Variants in RAP1GAP2 observed in about 807,000 individuals in gnomAD.
RAP1GAP2 encodes rap1 GTPase-activating protein 2.
A neutral mutation model predicts 95.0 loss-of-function variants in RAP1GAP2; 27 were observed. The observed-to-expected ratio is 0.28, with a 90% confidence interval of 0.21 to 0.39. The LOEUF is 0.39. RAP1GAP2 is among the 10% of genes least tolerant of loss of function. The pLI, the probability that RAP1GAP2 is intolerant of heterozygous loss-of-function variation, is 1.00. For synonymous variants in RAP1GAP2, 373 were observed against 380.9 expected (o/e 0.98, Z 0.24); for missense variants, 771 against 970.0 (o/e 0.79, Z 2.72).
At chr17:3,018,258 A>G (rs2151639839) in intron 18 of RAP1GAP2, 60 bp downstream of exon 18, 5 of 1,507,204 alleles carry the variant, frequency 3.3e-6, no homozygotes, top group Non-Finnish European at 2.6e-6. Flanking sequence ...CCCCAGACCT[A>G]TGGAGGAAGA....
upstream of RAP1GAP2, among the ~76,000 whole-genome samples, chr17:2,792,484 G>A (rs990134674): frequency 7.2e-5 from 11 of 152,316 alleles, no homozygotes; most frequent in Admixed American, 2.0e-4. Flanking sequence ...GGAAGGCAGC[G>A]TGGGAAAGGC....
chr17:2,891,381 T>A (rs907675000), intron 2 of RAP1GAP2, among the ~76,000 whole-genome samples: 1 of 152,028 alleles, frequency 6.6e-6, no homozygotes, highest in Non-Finnish European at 1.5e-5. Context: ...GCTCAACCAA[T>A]CCTCCCGCCT....
intron 19 of RAP1GAP2, among the ~76,000 whole-genome samples, chr17:3,022,619 T>C (rs1431664701): frequency 6.6e-6 from 1 of 152,230 alleles, no homozygotes; most frequent in African/African-American, 2.4e-5. Flanking sequence ...GTTCCTCATA[T>C]ATTCAGGTTA....
At chr17:2,913,904 T>C (rs564947708) in intron 3 of RAP1GAP2, among the ~76,000 whole-genome samples, 1 of 151,862 alleles carries the variant, frequency 6.6e-6, no homozygotes, top group Non-Finnish European at 1.5e-5. Context: ...GGAGTCTCGC[T>C]CTGTTGCCCA....
intron 3 of RAP1GAP2, among the ~76,000 whole-genome samples, chr17:2,905,942 G>C (rs1178175378): frequency 1.3e-5 from 2 of 152,214 alleles, no homozygotes; most frequent in African/African-American, 4.8e-5. Flanking sequence ...AGCCGAGGGA[G>C]CAGTGCCCTT....
Position 2,827,594 on chromosome 17 carries a change from G to A in RAP1GAP2, c.80+27044G>A, listed in dbSNP as rs2070627819. 6.6e-6 allele frequency among the ~76,000 whole-genome samples: 1 copy of A among 151,232 alleles called. No homozygotes were observed. ...AGGCCAAGGCGGGTGGATCACCTGAGGTCAGGGGTTCAAGACCAGCCTGGA... is the reference window on the plus strand; with the variant it reads ...AGGCCAAGGCGGGTGGATCACCTGAAGTCAGGGGTTCAAGACCAGCCTGGA... On this transcript the variant is annotated intron_variant, in intron 2 of 24. Transcript: ENST00000254695. The surrounding 1 kb of genome is among the most constrained non-coding windows in gnomAD (Gnocchi z 4.1).
chr17:2,844,418 G>C (rs186048160), intron 2 of RAP1GAP2, among the ~76,000 whole-genome samples: 1 of 152,152 alleles, frequency 6.6e-6, no homozygotes, highest in Admixed American at 6.6e-5. Context: ...TTGCTTACAC[G>C]AAAGAGCTTT....
intron 3 of RAP1GAP2, among the ~76,000 whole-genome samples, chr17:2,917,802 G>A (rs553609117): frequency 6.6e-5 from 10 of 152,092 alleles, no homozygotes; most frequent in African/African-American, 1.4e-4. Flanking sequence ...CGCAACCTCC[G>A]CTTCCTGGGT....
At chr17:2,819,953 T>A (rs1022817484) in intron 2 of RAP1GAP2, among the ~76,000 whole-genome samples, 2 of 151,858 alleles carry the variant, frequency 1.3e-5, no homozygotes, top group African/African-American at 4.8e-5. Flanking sequence ...CTTGGTTAAG[T>A]TTTTAAGAAA....
At position 3,036,214 on chromosome 17, in the gene RAP1GAP2, C is replaced by T. The variant is rs1841067396; in HGVS notation, c.*2853C>T. On this transcript the variant is annotated 3_prime_UTR_variant, in exon 25 of 25. Coordinates refer to ENST00000254695, the MANE Select transcript of RAP1GAP2 (RefSeq NM_015085.5). ...TTTGTCAGCATCATCTCAACACAAG[C>T]CTGCTGGCTCTTTTTAGCATCTCAT... 6.6e-6 allele frequency: 1 copy of T among 152,204 alleles called. No homozygotes were observed. The highest frequency in any genetic ancestry group is 2.1e-4 in the South Asian group (1 of 4,830). 9.4% of individuals were successfully genotyped at this position (152,204 alleles called of 1,614,324 possible).
chr17:2,959,842 G>A (rs1419880934), intron 4 of RAP1GAP2, among the ~76,000 whole-genome samples: 1 of 152,128 alleles, frequency 6.6e-6, no homozygotes, highest in Non-Finnish European at 1.5e-5. Context: ...AATACCCATT[G>A]TGGCCAGTTG....
At chr17:2,823,262 G>T (rs890447798) in intron 2 of RAP1GAP2, among the ~76,000 whole-genome samples, 5 of 152,148 alleles carry the variant, frequency 3.3e-5, no homozygotes, top group African/African-American at 1.2e-4. Flanking sequence ...GCCTGGGAGG[G>T]CTGTGTCCTG....
intron 1 of RAP1GAP2, among the ~76,000 whole-genome samples, chr17:2,757,775 C>T (rs940665630): frequency 5.3e-5 from 8 of 152,124 alleles, no homozygotes; most frequent in East Asian, 1.9e-4. Context: ...AGATTTAAGG[C>T]GTAGAGCTTG....
Position 3,001,394 on chromosome 17 carries a change from A to T in RAP1GAP2, c.1200+3018A>T, listed in dbSNP as rs12453712. Among the ~76,000 whole-genome samples, 116 of 99,526 alleles carry T rather than the reference A, an allele frequency of 1.2e-3. 2 individuals are homozygous for T. Among genetic ancestry groups the T allele is most frequent in the Admixed American group, 3.2e-3 (29 of 9,090 alleles). The allele number at this position is 99,526 out of a possible 152,430, so 65.3% of individuals were successfully genotyped here. Reference sequence around the variant, plus strand: ...GAAGTGAGGCTCGTGGAGGTAACAGAATCAGCCTCAGGGCCTTCCTGATGC... The same window carrying T: ...GAAGTGAGGCTCGTGGAGGTAACAGTATCAGCCTCAGGGCCTTCCTGATGC... On this transcript the variant is annotated intron_variant, in intron 14 of 24. Transcript: ENST00000254695.
chr17:2,959,272 G>A (rs1179110301), intron 4 of RAP1GAP2, among the ~76,000 whole-genome samples: 1 of 152,216 alleles, frequency 6.6e-6, no homozygotes, highest in African/African-American at 2.4e-5. Flanking sequence ...CAGCCTCAGA[G>A]TGTTGTGTTG....
At chr17:2,954,037 T>A (rs1303948280) in intron 3 of RAP1GAP2, among the ~76,000 whole-genome samples, 1 of 152,194 alleles carries the variant, frequency 6.6e-6, no homozygotes, top group Non-Finnish European at 1.5e-5. Context: ...TCTTTCTGTC[T>A]CTATGAGGTT....
At chr17:2,835,736 A>C (rs1157685930) in intron 2 of RAP1GAP2, among the ~76,000 whole-genome samples, 2 of 152,252 alleles carry the variant, frequency 1.3e-5, no homozygotes, top group African/African-American at 4.8e-5. Flanking sequence ...CTATAAATAA[A>C]TATAGAACAG....
intron 2 of RAP1GAP2, among the ~76,000 whole-genome samples, chr17:2,822,647 T>C (rs1191893447): frequency 1.3e-5 from 2 of 150,204 alleles, no homozygotes; most frequent in Non-Finnish European, 3.0e-5. Context: ...TTTTTTTTTT[T>C]TTTAAGAAAA....
At chr17:2,907,288 G>A (rs574781857) in intron 3 of RAP1GAP2, among the ~76,000 whole-genome samples, 1 of 152,252 alleles carries the variant, frequency 6.6e-6, no homozygotes, top group East Asian at 1.9e-4. Flanking sequence ...GAGGGAAATG[G>A]CGGTGGTACC....
Sources: gnomAD v4.1 joint callset for allele counts (sites outside exome capture counted in the v4.1 genomes callset) on GRCh38, gnomAD v4.1.1 for gene constraint, Gnocchi (gnomAD v3.1) non-coding constraint, MANE v1.5 for transcripts, NCBI Gene and HGNC (gene_info 2026-07-23, HGNC 2026-07-21) for gene names.